Variants in NFATC2 observed in about 807,000 individuals in gnomAD.
NFATC2 encodes the protein nuclear factor of activated T-cells, cytoplasmic 2.
Under a neutral mutation model 87.3 loss-of-function variants are expected in NFATC2, and 22 were observed. The ratio of observed to expected loss-of-function variants is 0.25; its 90% CI spans 0.18 to 0.36. The LOEUF (loss-of-function observed/expected upper bound fraction) is 0.36, where lower values mean the gene tolerates loss of function less well. Ranked by LOEUF, NFATC2 falls within the 10% of genes least tolerant of loss-of-function variation. The probability of loss-of-function intolerance (pLI) is 1.00; values close to 1 mark genes in which losing one functional copy is unlikely to be tolerated. For missense variants in NFATC2, 1,149 were observed against 1,259.1 expected, an observed-to-expected ratio of 0.91 and a Z score of 1.32; for synonymous variants, 565 against 542.2, an observed-to-expected ratio of 1.04 and a Z score of -0.58.
At chr20:51,393,466 C>A (rs1347611877) in intron 10 of NFATC2, among the ~76,000 whole-genome samples, 2 of 151,988 alleles carry the variant, frequency 1.3e-5, no homozygotes, top group East Asian at 3.9e-4. Flanking sequence ...ACTTTTCCAA[C>A]ATGTGGAAAC....
At chr20:51,459,147 C>CA (rs1274577926) in intron 5 of NFATC2, among the ~76,000 whole-genome samples, 1 of 152,150 alleles carries the variant, frequency 6.6e-6, no homozygotes, top group Non-Finnish European at 1.5e-5. Context: ...TATCAAATAT[C>CA]AACCCAAATG....
In NFATC2 at chr20:51,523,977, C is replaced by A. The variant is rs574231438; in HGVS notation, c.264G>T (p.Glu88Asp). Residue 88 changes from glutamate to aspartate, a missense_variant, in exon 2 of 11, where the codon GAG becomes GAT. Glu to Asp is a conservative substitution (Grantham distance 45). Coordinates refer to ENST00000371564, the MANE Select transcript of NFATC2 (RefSeq NM_012340.5). This position sits in a 1 kb window ranked among gnomAD's most constrained non-coding sequence, Gnocchi z 6.9. ...LSGEPPGRFG[E>D]PDRVGPQKFL... ...ACTTCTGCGGCCCTACCCTATCCGG[C>A]TCTCCGAATCGGCCGGGGGGCTCGC... 1.9e-6 allele frequency: 3 copies of A among 1,577,746 alleles called. No individual in the cohort carries two copies. The East Asian group carries it at 6.8e-5, about 36-fold the overall frequency.
chr20:51,450,282 G>C, intron 6 of NFATC2, among the ~76,000 whole-genome samples: 1 of 152,214 alleles, frequency 6.6e-6, no homozygotes, highest in East Asian at 1.9e-4. Flanking sequence ...CAGCCCCCCA[G>C]ATCTCTCCCA....
At chr20:51,466,353 C>T (rs572864732) in intron 5 of NFATC2, among the ~76,000 whole-genome samples, 68 of 152,136 alleles carry the variant, frequency 4.5e-4, no homozygotes, top group African/African-American at 1.6e-3. Context: ...ACACCTGGCC[C>T]GGGCCTCCCT....
At chr20:51,496,958 G>T (rs2075999081) in intron 3 of NFATC2, among the ~76,000 whole-genome samples, 2 of 152,202 alleles carry the variant, frequency 1.3e-5, no homozygotes, top group South Asian at 4.1e-4. Flanking sequence ...CGACAGCCCT[G>T]GAAGGCCCCA....
At chr20:51,543,477 G>C (rs76674276), upstream of NFATC2, among the ~76,000 whole-genome samples, 414 of 152,344 alleles carry the variant, frequency 2.7e-3, 11 homozygotes, top group East Asian at 0.05. Context: ...GACATTTGAA[G>C]AAACCTGATT....
At position 51,432,662 on chromosome 20, in the gene NFATC2, G is replaced by C; in HGVS notation, c.2127C>G (p.Pro709=). Residue 709 remains proline (P), a synonymous_variant, in exon 9 of 11, where the codon CCC becomes CCG. Transcript: ENST00000371564. This position sits in a 1 kb window ranked among gnomAD's most constrained non-coding sequence, Gnocchi z 4.6. Reference sequence around the variant, plus strand: ...GGGACTCGGCCACCATCGGGTGCTGGGGGTAGTAAGGCTGGCTCCCCAGGC... The same window carrying C: ...GGGACTCGGCCACCATCGGGTGCTGCGGGTAGTAAGGCTGGCTCCCCAGGC... ...HGGLGSQPYY[P]QHPMVAESPS... 6.4e-7 allele frequency: 1 copy of C among 1,561,388 alleles called. No homozygotes were observed.
intron 3 of NFATC2, among the ~76,000 whole-genome samples, chr20:51,498,922 T>G (rs1037787910): frequency 6.6e-6 from 1 of 152,078 alleles, no homozygotes; most frequent in Non-Finnish European, 1.5e-5. Flanking sequence ...AAAGTAGCCA[T>G]GTGGATAGCT....
intron 3 of NFATC2, among the ~76,000 whole-genome samples, chr20:51,481,161 G>A (rs3787198): frequency 0.52 from 79,358 of 152,060 alleles, 21,250 homozygotes; most frequent in Admixed American, 0.63. Flanking sequence ...AGCCTTCCTC[G>A]CCAGGTCCCT....
At chr20:51,495,423 G>A (rs923032516) in intron 3 of NFATC2, among the ~76,000 whole-genome samples, 1 of 152,176 alleles carries the variant, frequency 6.6e-6, no homozygotes, top group Admixed American at 6.5e-5. Flanking sequence ...TTGTGTGACC[G>A]CATATTCACC....
At position 51,542,679 on chromosome 20, in the gene NFATC2, A is replaced by C; in HGVS notation, c.-180T>G. ...CAGCGGGTCCTGGACGCGCCCGGGG[A>C]AGCTGAGCGGCGGCGGCGACGGCGG... On this transcript the variant is annotated 5_prime_UTR_variant, in exon 1 of 11. Coordinates refer to ENST00000371564, the MANE Select transcript of NFATC2 (RefSeq NM_012340.5). 1 of 1,057,592 alleles carries C rather than the reference A, an allele frequency of 9.5e-7. No individual in the cohort carries two copies. Among genetic ancestry groups the C allele is most frequent in the Non-Finnish European group, 1.1e-6 (1 of 878,640 alleles). 65.5% of individuals were successfully genotyped at this position (1,057,592 alleles called of 1,614,324 possible).
chr20:51,547,941 T>C (rs1031198333), intron 1 of NFATC2, among the ~76,000 whole-genome samples: 1 of 152,302 alleles, frequency 6.6e-6, no homozygotes, highest in African/African-American at 2.4e-5. Context: ...TCCCTGGACT[T>C]GCTACTTCTA....
chr20:51,426,383 C>A (rs1258318053), intron 9 of NFATC2, among the ~76,000 whole-genome samples: 1 of 151,992 alleles, frequency 6.6e-6, no homozygotes. Context: ...GAGGCTGAGG[C>A]AGAAGAATCA....
chr20:51,406,965 C>T (rs1978404396), intron 9 of NFATC2, among the ~76,000 whole-genome samples: 1 of 152,144 alleles, frequency 6.6e-6, no homozygotes, highest in Non-Finnish European at 1.5e-5. Context: ...CCCAGGGATC[C>T]CACTTGGCCT....
At chr20:51,513,922 C>T (rs748650446) in intron 3 of NFATC2, among the ~76,000 whole-genome samples, 5 of 152,194 alleles carry the variant, frequency 3.3e-5, no homozygotes, top group Non-Finnish European at 4.4e-5. Context: ...TGCAAAGAGA[C>T]GTGGATGATC....
intron 6 of NFATC2, among the ~76,000 whole-genome samples, chr20:51,449,632 A>G (rs539133066): frequency 6.6e-6 from 1 of 152,286 alleles, no homozygotes; most frequent in Admixed American, 6.5e-5. Flanking sequence ...ACGCAAAATT[A>G]ACCTGGTTCT....
At chr20:51,545,113 C>T (rs1162357008), upstream of NFATC2, among the ~76,000 whole-genome samples, 1 of 152,144 alleles carries the variant, frequency 6.6e-6, no homozygotes, top group Non-Finnish European at 1.5e-5. Context: ...GACAGGGACC[C>T]AAGGTCCAGA....
intron 3 of NFATC2, among the ~76,000 whole-genome samples, chr20:51,500,655 C>CA (rs1205543837): frequency 2.7e-5 from 3 of 109,948 alleles, no homozygotes; most frequent in Non-Finnish European, 5.7e-5. Flanking sequence ...CACCACCCCC[C>CA]CCTCCACCCC....
chr20:51,434,279 TATA>T (rs1451629299), intron 8 of NFATC2, among the ~76,000 whole-genome samples: 6 of 151,732 alleles, frequency 4.0e-5, no homozygotes, highest in African/African-American at 1.5e-4. Context: ...CACCCCTCAG[TATA>T]ATGCTTCTAG....
Sources: allele counts gnomAD v4.1 joint callset (sites outside exome capture counted in the v4.1 genomes callset), GRCh38; gene constraint gnomAD v4.1.1; non-coding constraint Gnocchi (gnomAD v3.1); transcripts MANE v1.5; gene names NCBI Gene and HGNC (gene_info 2026-07-23, HGNC 2026-07-21).